Variants in CMYA5 observed in about 807,000 individuals in gnomAD.
CMYA5 encodes cardiomyopathy associated 5.
In CMYA5, 246 loss-of-function variants were observed where a neutral mutation model predicts 318.9. The ratio of observed to expected loss-of-function variants is 0.77; its 90% CI spans 0.70 to 0.86. The LOEUF is 0.86. Ranked by LOEUF, CMYA5 falls within the 40% of genes least tolerant of loss-of-function variation. The pLI, the probability that CMYA5 is intolerant of heterozygous loss-of-function variation, is 0.00. For synonymous variants in CMYA5, 1,641 were observed against 1,729.5 expected (o/e 0.95, Z 1.27); for missense variants, 4,589 against 4,678.2 (o/e 0.98, Z 0.56).
rs771635127 is a variant in CMYA5 at position 79,799,962 on chromosome 5, A to G, written c.*346A>G. 1 of 173,850 alleles carries G rather than the reference A, an allele frequency of 5.8e-6. No homozygotes were observed. Among genetic ancestry groups the G allele is most frequent in the Non-Finnish European group, 1.2e-5 (1 of 81,120 alleles). 10.8% of individuals were successfully genotyped at this position (173,850 alleles called of 1,614,324 possible). A position where few individuals can be genotyped will look rare whatever the true frequency, so the allele number is the denominator to read the frequency against. ...GGAAATCCTCTGATGGACAGGTCAG[A>G]GTGAAGGAAGGTTGTGCTGGTAAGA... On this transcript the variant is annotated 3_prime_UTR_variant, in exon 13 of 13. Coordinates refer to ENST00000446378, the MANE Select transcript of CMYA5 (RefSeq NM_153610.5).
chr5:79,696,831 C>A (rs1405303576), intron 1 of CMYA5, among the ~76,000 whole-genome samples: 3 of 151,882 alleles, frequency 2.0e-5, no homozygotes, highest in Non-Finnish European at 4.4e-5. Flanking sequence ...CATGGCGAAA[C>A]CCCCGTCTCT....
In CMYA5 at chr5:79,691,338, T is replaced by C. The variant is rs1826967246; in HGVS notation, c.149+1282T>C. Among the ~76,000 whole-genome samples, 3 of 152,180 alleles carry C rather than the reference T, an allele frequency of 2.0e-5. No homozygotes were observed. The South Asian group carries it at 6.2e-4, about 31-fold the overall frequency. ...AGCTTTTATAACCTTTCCCTTACTG[T>C]TGTCTGGGATCCTCATATCCTTGCC... On this transcript the variant is annotated intron_variant, in intron 1 of 12. Coordinates refer to ENST00000446378, the MANE Select transcript of CMYA5 (RefSeq NM_153610.5).
intron 9 of CMYA5, among the ~76,000 whole-genome samples, chr5:79,778,346 A>G (rs1362361057): frequency 6.6e-6 from 1 of 152,226 alleles, no homozygotes; most frequent in East Asian, 1.9e-4. Flanking sequence ...AACTGTCTCT[A>G]TAGAGGTTGT....
intron 1 of CMYA5, among the ~76,000 whole-genome samples, chr5:79,704,855 G>A (rs1453410548): frequency 6.6e-6 from 1 of 152,168 alleles, no homozygotes. Context: ...CTGGCCCCTG[G>A]AACCTATGAG....
chr5:79,740,613 T>C (rs1373806741), intron 2 of CMYA5, among the ~76,000 whole-genome samples: 1 of 152,210 alleles, frequency 6.6e-6, no homozygotes, highest in Non-Finnish European at 1.5e-5. Context: ...TGGCTATGTC[T>C]GTAGGACCCC....
chr5:79,772,045 T>A (rs1445161999), intron 9 of CMYA5, among the ~76,000 whole-genome samples: 2 of 152,084 alleles, frequency 1.3e-5, no homozygotes, highest in Non-Finnish European at 2.9e-5. Flanking sequence ...AAGAAAAGAC[T>A]CTTTCTGATA....
Position 79,734,481 on chromosome 5 carries a change from C to T in CMYA5, c.5716C>T (p.His1906Tyr), listed in dbSNP as rs1391952293. The change falls in exon 2 of 13, where the codon CAC becomes TAC. Residue 1906 changes from histidine (H) to tyrosine (Y), a missense_variant. Around this residue, in one of 3 missense-constraint regions of CMYA5, gnomAD observed 26 missense variants for 51.8 expected, o/e 0.50. Transcript: ENST00000446378. ...LGKPENVASQ[H>Y]EQRIAGSVQL... ...AAAGCCAGAAAATGTGGCTAGTCAA[C>T]ACGAACAGAGAATAGCAGGATCTGT... 1.1e-5 allele frequency: 17 copies of T among 1,613,532 alleles called. No individual in the cohort carries two copies. Among genetic ancestry groups the T allele is most frequent in the Non-Finnish European group, 1.4e-5 (16 of 1,179,760 alleles).
At chr5:79,728,612 A>T (rs934481947) in intron 1 of CMYA5, among the ~76,000 whole-genome samples, 10 of 152,112 alleles carry the variant, frequency 6.6e-5, no homozygotes, top group African/African-American at 2.4e-4. Flanking sequence ...GTGACTGCTG[A>T]GTCCCGACAA....
intron 5 of CMYA5, among the ~76,000 whole-genome samples, chr5:79,752,124 G>A (rs1252832327): frequency 3.3e-5 from 5 of 152,160 alleles, no homozygotes; most frequent in Non-Finnish European, 7.3e-5. Context: ...AGTCTTTTAC[G>A]AATGATAGGC....
rs116813300 is a variant in CMYA5 at position 79,776,736 on chromosome 5, A to G, written c.11556-12235A>G. ...TATGTGGTGTCGACTGACTGCCTGA[A>G]TGTTGGTGCTGTCAATGTGAATGTC... On this transcript the variant is annotated intron_variant, in intron 9 of 12. Coordinates refer to ENST00000446378, the MANE Select transcript of CMYA5 (RefSeq NM_153610.5). Among the ~76,000 whole-genome samples, 1,497 of 152,298 alleles carry G rather than the reference A, an allele frequency of 9.8e-3. 23 individuals are homozygous for G. Among genetic ancestry groups the G allele is most frequent in the African/African-American group, 0.034 (1,426 of 41,538 alleles).
intron 6 of CMYA5, 120 bp downstream of exon 6, chr5:79,752,914 A>G: frequency 3.1e-6 from 2 of 642,814 alleles, no homozygotes; most frequent in Middle Eastern, 4.0e-4. Flanking sequence ...GGAAAAAGAA[A>G]AGTATTAGTT....
In CMYA5 at chr5:79,799,558, C is replaced by T; in HGVS notation, c.12152C>T (p.Pro4051Leu). The change falls in exon 13 of 13, where the codon CCT becomes CTT. Residue 4051 changes from proline to leucine, a missense_variant. Coordinates refer to ENST00000446378, the MANE Select transcript of CMYA5 (RefSeq NM_153610.5). ...CACCCTGCCTTTGCCCTGGAGAAAC[C>T]TGGAAAATGTACTTTGCACCTGGGG... is the stretch of plus-strand genomic sequence containing the variant. ...GVHPAFALEK[P>L]GKCTLHLGIE... 1 of 1,613,942 alleles carries T rather than the reference C, an allele frequency of 6.2e-7. No homozygotes were observed. The highest frequency in any genetic ancestry group is 1.7e-5 in the Admixed American group (1 of 60,024).
chr5:79,787,504 A>G (rs922656448), intron 9 of CMYA5, among the ~76,000 whole-genome samples: 5 of 152,228 alleles, frequency 3.3e-5, no homozygotes, highest in Admixed American at 2.6e-4. Flanking sequence ...ATGGTTTTTC[A>G]TTAATTAACT....
chr5:79,788,516 G>A (rs1471755022), intron 9 of CMYA5, among the ~76,000 whole-genome samples: 2 of 148,058 alleles, frequency 1.4e-5, no homozygotes, highest in Non-Finnish European at 3.0e-5. Context: ...TGCCAAGATC[G>A]AGTTTGCTTT....
intron 9 of CMYA5, among the ~76,000 whole-genome samples, chr5:79,778,580 T>A (rs1273631384): frequency 6.6e-6 from 1 of 151,874 alleles, no homozygotes; most frequent in Non-Finnish European, 1.5e-5. Flanking sequence ...TTCCTAGCAA[T>A]TTTTTTTCTC....
intron 1 of CMYA5, among the ~76,000 whole-genome samples, chr5:79,697,444 C>G (rs1268201087): frequency 1.3e-5 from 2 of 152,192 alleles, no homozygotes; most frequent in Non-Finnish European, 2.9e-5. Context: ...GACGTCATCT[C>G]CCTTACCCTC....
chr5:79,750,091 G>A (rs1220738478), intron 5 of CMYA5, among the ~76,000 whole-genome samples: 2 of 151,768 alleles, frequency 1.3e-5, no homozygotes, highest in African/African-American at 2.4e-5. Context: ...TGGCACTAGT[G>A]ATCCTGGATG....
chr5:79,744,335 T>C (rs1828276400), intron 3 of CMYA5, among the ~76,000 whole-genome samples: 1 of 152,232 alleles, frequency 6.6e-6, no homozygotes, highest in Admixed American at 6.5e-5. Context: ...TCTGAGTCAC[T>C]GCCCAGTGTC....
intron 1 of CMYA5, among the ~76,000 whole-genome samples, chr5:79,709,316 G>T (rs1827337165): frequency 6.6e-6 from 1 of 152,168 alleles, no homozygotes; most frequent in Admixed American, 6.5e-5. Flanking sequence ...AGATGTATCT[G>T]TAAGGATGTT....
Sources: allele counts gnomAD v4.1 joint callset (sites outside exome capture counted in the v4.1 genomes callset), GRCh38; gene constraint gnomAD v4.1.1; regional missense constraint gnomAD v4.1.1; transcripts MANE v1.5; gene names NCBI Gene and HGNC (gene_info 2026-07-23, HGNC 2026-07-21).